Variants in POLR2B observed in about 807,000 individuals in gnomAD.
POLR2B encodes the protein RNA polymerase II subunit B.
In POLR2B, 57 loss-of-function variants were observed where a neutral mutation model predicts 144.6. The observed-to-expected ratio is 0.39, with a 90% confidence interval of 0.32 to 0.49. The LOEUF (loss-of-function observed/expected upper bound fraction) is 0.49, where lower values mean the gene tolerates loss of function less well. Among genes scored for constraint, POLR2B ranks in the 20% least tolerant of loss-of-function variants. The pLI is 0.83. For missense variants in POLR2B, 595 were observed against 1,467.4 expected, an observed-to-expected ratio of 0.41 and a Z score of 9.71; for synonymous variants, 442 against 469.8, an observed-to-expected ratio of 0.94 and a Z score of 0.77.
chr4:57,027,295 C>A (rs911927567), intron 23 of POLR2B, among the ~76,000 whole-genome samples: 1 of 152,166 alleles, frequency 6.6e-6, no homozygotes, highest in African/African-American at 2.4e-5. Flanking sequence ...AGGCAAGAGC[C>A]ACCACGCCCA....
At position 57,017,054 on chromosome 4, in the gene POLR2B, T is replaced by C; in HGVS notation, c.1967T>C (p.Leu656Pro). 6.3e-7 allele frequency: 1 copy of C among 1,580,786 alleles called. No individual in the cohort carries two copies. The highest frequency in any genetic ancestry group is 2.3e-5 in the East Asian group (1 of 43,602). The change falls in exon 15 of 25, where the codon CTT (leucine) becomes CCT (proline). Residue 656 changes from leucine to proline, a missense_variant. Transcript: ENST00000314595. This position sits in a 1 kb window ranked among gnomAD's most constrained non-coding sequence, Gnocchi z 4.8. The stretch of plus-strand genomic sequence containing the variant: ...GAATTCTTTTTTAGTTGGCAGGATC[T>C]TGTGGCCAGTGGGGTAGTGGAGTAT... ...REYNNYSWQDLVASGVVEYID... is the reference protein window; with the variant it reads ...REYNNYSWQDPVASGVVEYID...
intron 11 of POLR2B, 101 bp downstream of exon 11, chr4:57,010,605 G>T: frequency 1.5e-6 from 2 of 1,378,826 alleles, no homozygotes; most frequent in Non-Finnish European, 9.9e-7. Flanking sequence ...ATGCAGAGTG[G>T]TTTAGAAATA....
At chr4:56,983,181 A>G (rs894325914) in intron 1 of POLR2B, among the ~76,000 whole-genome samples, 9 of 151,934 alleles carry the variant, frequency 5.9e-5, no homozygotes, top group Non-Finnish European at 1.3e-4. Flanking sequence ...TCCACTTCCA[A>G]CTTCACAATC....
At chr4:56,994,024 T>A (rs1360269394) in intron 3 of POLR2B, among the ~76,000 whole-genome samples, 4 of 152,350 alleles carry the variant, frequency 2.6e-5, no homozygotes, top group African/African-American at 9.6e-5. Context: ...GTCTTTACTT[T>A]TAGTATATTA....
intron 16 of POLR2B, among the ~76,000 whole-genome samples, chr4:57,018,048 C>CAAGGGCCCAGATGG (rs1377739531): frequency 2.0e-5 from 3 of 152,060 alleles, no homozygotes; most frequent in Non-Finnish European, 4.4e-5. Context: ...GTGGTTTAAG[C>CAAGGGCCCAGATGG]AAGGGCCCAG....
chr4:56,985,305 G>A (rs933993972), intron 1 of POLR2B: 109 of 985,134 alleles, frequency 1.1e-4, no homozygotes, highest in Non-Finnish European at 1.3e-4. Context: ...CGCGATCTCA[G>A]CTCCTGCGAG....
At position 57,005,245 on chromosome 4, in the gene POLR2B, G is replaced by T; in HGVS notation, c.901-1G>T. On this transcript the variant is annotated splice_acceptor_variant, in intron 7 of 24. Coordinates refer to ENST00000314595, the MANE Select transcript of POLR2B (RefSeq NM_000938.3). LOFTEE classifies it high-confidence loss of function. ...TAACTTTTATTTAAATTGTCTGATA[G>T]GTTAAACCTTCTCTCGATGAAGCTT... 1 of 1,530,378 alleles carries T rather than the reference G, an allele frequency of 6.5e-7. No homozygotes were observed. The allele number at this position is 1,530,378 out of a possible 1,614,324, so 94.8% of individuals were successfully genotyped here. A position where few individuals can be genotyped will look rare whatever the true frequency, so the allele number is the denominator to read the frequency against.
chr4:57,028,759 G>A (rs565521979), intron 23 of POLR2B, among the ~76,000 whole-genome samples: 2 of 152,202 alleles, frequency 1.3e-5, no homozygotes, highest in Admixed American at 6.5e-5. Context: ...CACACTCTGA[G>A]AACCTCTGCT....
chr4:57,015,444 G>T, intron 13 of POLR2B, 58 bp from the exon 14 acceptor site: 1 of 890,626 alleles, frequency 1.1e-6, no homozygotes, highest in Non-Finnish European at 1.6e-6. Context: ...TTTTAACTAA[G>T]CCTAATAATA....
chr4:57,006,470 A>G (rs1160442606), intron 9 of POLR2B, among the ~76,000 whole-genome samples: 2 of 152,108 alleles, frequency 1.3e-5, no homozygotes, highest in Non-Finnish European at 2.9e-5. Context: ...ACACCCAGCT[A>G]ATTTTTCTGT....
chr4:56,987,132 T>G (rs1264624046), intron 2 of POLR2B, among the ~76,000 whole-genome samples: 1 of 152,214 alleles, frequency 6.6e-6, no homozygotes, highest in Admixed American at 6.5e-5. Flanking sequence ...TAGATTCAGA[T>G]GATTACTTTT....
chr4:56,990,126 G>A (rs922391827), intron 2 of POLR2B, among the ~76,000 whole-genome samples: 2 of 152,088 alleles, frequency 1.3e-5, no homozygotes, highest in African/African-American at 2.4e-5. Flanking sequence ...TCAAATGAAA[G>A]TTCTTATTGT....
At chr4:57,020,293 A>G (rs1032018975) in intron 16 of POLR2B, among the ~76,000 whole-genome samples, 2 of 152,172 alleles carry the variant, frequency 1.3e-5, no homozygotes, top group Admixed American at 1.3e-4. Context: ...CGGCCTCCCA[A>G]AGTGCTGGGA....
chr4:57,029,618 C>T (rs1578598471), intron 23 of POLR2B, among the ~76,000 whole-genome samples: 1 of 152,158 alleles, frequency 6.6e-6, no homozygotes, highest in East Asian at 1.9e-4. Flanking sequence ...AACCTATTAT[C>T]ATTTACCTGT....
intron 17 of POLR2B, among the ~76,000 whole-genome samples, chr4:57,021,308 CT>C (rs1723540948): frequency 6.6e-6 from 1 of 152,004 alleles, no homozygotes; most frequent in African/African-American, 2.4e-5. Context: ...TCTTTTCGCT[CT>C]TTTTTTCCAT....
At chr4:57,006,710 C>T (rs979949689) in intron 9 of POLR2B, 106 bp from the exon 10 acceptor site, 1 of 826,272 alleles carries the variant, frequency 1.2e-6, no homozygotes, top group Non-Finnish European at 2.0e-6. Context: ...TCTGCCCAAA[C>T]AATTTTTGCT....
chr4:56,981,158 TA>T (rs1240268144), intron 1 of POLR2B, among the ~76,000 whole-genome samples: 1 of 152,174 alleles, frequency 6.6e-6, no homozygotes, highest in Admixed American at 6.6e-5. Context: ...TCTCTTTTTT[TA>T]AAGACAGTAA....
In POLR2B at chr4:57,006,836, A is replaced by T; in HGVS notation, c.1238A>T (p.Lys413Ile). The T allele has an allele frequency of 6.2e-7, 1 of 1,613,002 alleles. No homozygotes were observed. The highest frequency in any genetic ancestry group is 8.5e-7 in the Non-Finnish European group (1 of 1,179,206). ...GGCAGTATGTTTAAGAATTTGCTTA[A>T]AGAAGTGCGGATCTATGCACAGAAA... ...LFRGMFKNLL[K>I]EVRIYAQKFI... Residue 413 changes from lysine (K) to isoleucine (I), a missense_variant, in exon 10 of 25, where the codon AAA becomes ATA. This residue lies in a region of POLR2B where 251 missense variants were observed against 567.3 expected (regional missense o/e 0.44). Coordinates refer to ENST00000314595, the MANE Select transcript of POLR2B (RefSeq NM_000938.3).
At chr4:56,988,782 A>G (rs967890726) in intron 2 of POLR2B, among the ~76,000 whole-genome samples, 44 of 152,324 alleles carry the variant, frequency 2.9e-4, no homozygotes, top group South Asian at 4.1e-4. Flanking sequence ...ACCAAGAGAT[A>G]TTTTATTAGG....
Sources: gnomAD v4.1 joint callset for allele counts (sites outside exome capture counted in the v4.1 genomes callset) on GRCh38, gnomAD v4.1.1 for gene constraint, gnomAD v4.1.1 regional missense constraint, Gnocchi (gnomAD v3.1) non-coding constraint, MANE v1.5 for transcripts, NCBI Gene and HGNC (gene_info 2026-07-23, HGNC 2026-07-21) for gene names.